The following DPYD variants were observed in gnomAD, a reference collection of about 807,000 sequenced individuals.
DPYD encodes dihydropyrimidine dehydrogenase.
Under a neutral mutation model 116.2 loss-of-function variants are expected in DPYD, and 109 were observed. The observed-to-expected ratio is 0.94, with a 90% CI of 0.80 to 1.10. The LOEUF (loss-of-function observed/expected upper bound fraction) is 1.10. Ranked by LOEUF, DPYD falls within the 50% of genes least tolerant of loss-of-function variation. The pLI, the probability that DPYD is intolerant of heterozygous loss-of-function variation, is 0.00. For missense variants in DPYD, 1,302 were observed against 1,254.5 expected (o/e 1.04, Z -0.57); for synonymous variants, 440 against 432.0 (o/e 1.02, Z -0.23).
chr1:97,806,838 C>T (rs1668099311), intron 3 of DPYD, among the ~76,000 whole-genome samples: 1 of 151,880 alleles, frequency 6.6e-6, no homozygotes, highest in East Asian at 1.9e-4. Flanking sequence ...ATCTTAAACC[C>T]CTGGCAACCC....
At chr1:97,799,059 A>G (rs1667726942) in intron 3 of DPYD, among the ~76,000 whole-genome samples, 2 of 151,954 alleles carry the variant, frequency 1.3e-5, no homozygotes, top group South Asian at 4.1e-4. Context: ...TAAAATTCAT[A>G]TTCCTTTCTA....
At chr1:97,841,900 G>A (rs1052809698) in intron 2 of DPYD, among the ~76,000 whole-genome samples, 3 of 151,796 alleles carry the variant, frequency 2.0e-5, no homozygotes, top group African/African-American at 7.3e-5. Context: ...ATTCACTACT[G>A]TATCTGAAGG....
chr1:97,385,850 T>A (rs1219632905), intron 14 of DPYD, among the ~76,000 whole-genome samples: 2 of 152,168 alleles, frequency 1.3e-5, no homozygotes, highest in Admixed American at 1.3e-4. Context: ...TTCTCTCTTT[T>A]ACATGGCAAT....
intron 1 of DPYD, among the ~76,000 whole-genome samples, chr1:97,915,903 A>C (rs752852776): frequency 6.6e-6 from 1 of 152,116 alleles, no homozygotes; most frequent in Non-Finnish European, 1.5e-5. Context: ...TTTTACGACA[A>C]TCTTTTTTCA....
chr1:97,303,324 A>G (rs370849803), intron 18 of DPYD, among the ~76,000 whole-genome samples: 2 of 152,134 alleles, frequency 1.3e-5, no homozygotes, highest in African/African-American at 4.8e-5. Flanking sequence ...GCTCTGAGAC[A>G]ACACTTGAGC....
chr1:97,704,781 G>A (rs574504714), intron 5 of DPYD, among the ~76,000 whole-genome samples: 1 of 151,830 alleles, frequency 6.6e-6, no homozygotes, highest in African/African-American at 2.4e-5. Flanking sequence ...AATGTCAGTT[G>A]TCCATCAACT....
At chr1:97,315,757 C>A (rs1295974673) in intron 16 of DPYD, among the ~76,000 whole-genome samples, 1 of 151,986 alleles carries the variant, frequency 6.6e-6, no homozygotes, top group Non-Finnish European at 1.5e-5. Flanking sequence ...CTTGACAGAA[C>A]AAGGTCTCTT....
Position 97,851,186 on chromosome 1 carries a change from T to C in DPYD, c.151-22990A>G, listed in dbSNP as rs183573032. Among the ~76,000 whole-genome samples, 100 of 151,772 alleles carry C rather than the reference T, an allele frequency of 6.6e-4. 1 individual carries two copies. The highest frequency in any genetic ancestry group is 1.2e-3 in the Non-Finnish European group (79 of 67,822). On this transcript the variant is annotated intron_variant, in intron 2 of 22. Coordinates refer to ENST00000370192, the MANE Select transcript of DPYD (RefSeq NM_000110.4). ...AAGGACATTTTCATTTAGACTTTTA[T>C]ACACTATGATAAGTTTCTAACAATT...
intron 2 of DPYD, among the ~76,000 whole-genome samples, chr1:97,838,564 G>C (rs1342424486): frequency 6.6e-6 from 1 of 152,162 alleles, no homozygotes; most frequent in Non-Finnish European, 1.5e-5. Flanking sequence ...AAAAGAACTT[G>C]GCCGGGCGCG....
intron 14 of DPYD, among the ~76,000 whole-genome samples, chr1:97,387,079 T>C (rs1375306911): frequency 6.6e-6 from 1 of 152,174 alleles, no homozygotes; most frequent in Non-Finnish European, 1.5e-5. Context: ...CATTTTTCTA[T>C]ATCAATATTT....
chr1:97,701,975 A>C (rs1350258215), intron 5 of DPYD, among the ~76,000 whole-genome samples: 1 of 151,726 alleles, frequency 6.6e-6, no homozygotes, highest in Non-Finnish European at 1.5e-5. Flanking sequence ...ATAATTTCTT[A>C]TTCCCAGCTA....
At chr1:97,570,519 T>C (rs1479864758) in intron 11 of DPYD, among the ~76,000 whole-genome samples, 1 of 151,960 alleles carries the variant, frequency 6.6e-6, no homozygotes, top group Non-Finnish European at 1.5e-5. Context: ...GGCCATTTGC[T>C]GATGTTCTCA....
intron 8 of DPYD, among the ~76,000 whole-genome samples, chr1:97,626,843 A>G (rs1266759985): frequency 6.6e-6 from 1 of 152,112 alleles, no homozygotes; most frequent in African/African-American, 2.4e-5. Context: ...ATATATTAGT[A>G]GTCTTTCTTT....
At chr1:97,495,586 G>GTA (rs1679215382) in intron 13 of DPYD, among the ~76,000 whole-genome samples, 1 of 152,050 alleles carries the variant, frequency 6.6e-6, no homozygotes, top group African/African-American at 2.4e-5. Flanking sequence ...GTGAAGTGCT[G>GTA]TAAGACAGTT....
intron 10 of DPYD, among the ~76,000 whole-genome samples, chr1:97,574,179 C>T (rs535004861): frequency 3.9e-5 from 6 of 152,148 alleles, no homozygotes; most frequent in Admixed American, 1.3e-4. Flanking sequence ...GTAATGTGGA[C>T]GTTTATAGAT....
chr1:97,486,316 G>C (rs1403953204), intron 13 of DPYD, among the ~76,000 whole-genome samples: 1 of 152,112 alleles, frequency 6.6e-6, no homozygotes, highest in Admixed American at 6.6e-5. Flanking sequence ...AAGGGCTGAA[G>C]AGAACACTCA....
At chr1:97,204,668 G>A (rs1339821987) in intron 19 of DPYD, among the ~76,000 whole-genome samples, 1 of 152,114 alleles carries the variant, frequency 6.6e-6, no homozygotes, top group African/African-American at 2.4e-5. Context: ...GTACCACTAG[G>A]ATCTGTGATT....
chr1:97,476,905 C>T (rs940801871), intron 13 of DPYD, among the ~76,000 whole-genome samples: 2 of 152,136 alleles, frequency 1.3e-5, no homozygotes, highest in Admixed American at 1.3e-4. Context: ...TGTGTAATAG[C>T]ATTAGGTCTA....
At chr1:97,221,075 T>C (rs1042451534) in intron 19 of DPYD, among the ~76,000 whole-genome samples, 6 of 152,068 alleles carry the variant, frequency 3.9e-5, no homozygotes, top group Non-Finnish European at 8.8e-5. Flanking sequence ...CAAAATAATT[T>C]TGGAAACTGA....
Sources: gnomAD v4.1 joint callset for allele counts (sites outside exome capture counted in the v4.1 genomes callset) on GRCh38, gnomAD v4.1.1 for gene constraint, MANE v1.5 for transcripts, NCBI Gene and HGNC (gene_info 2026-07-23, HGNC 2026-07-21) for gene names.